The following HEATR5A variants were observed in gnomAD, a reference collection of about 807,000 sequenced individuals.
HEATR5A encodes the protein HEAT repeat-containing protein 5A.
HEATR5A carries 178 observed loss-of-function variants against 218.8 expected under a neutral mutation model. The observed-to-expected ratio is 0.81, with a 90% CI of 0.72 to 0.92. The LOEUF (loss-of-function observed/expected upper bound fraction) is 0.92. Ranked by LOEUF, HEATR5A falls within the 40% of genes least tolerant of loss-of-function variation. HEATR5A has a pLI of 0.00. For synonymous variants in HEATR5A, 864 were observed against 871.6 expected (o/e 0.99, Z 0.15); for missense variants, 2,420 against 2,418.9 (o/e 1.00, Z -0.01).
intron 31 of HEATR5A, among the ~76,000 whole-genome samples, chr14:31,305,607 GGAGA>G (rs1440688806): frequency 6.6e-6 from 1 of 152,092 alleles, no homozygotes. Flanking sequence ...AAAGACTGAG[GGAGA>G]AAGAAGTTAT....
chr14:31,414,541 G>A (rs750654789), intron 1 of HEATR5A, among the ~76,000 whole-genome samples: 3 of 152,146 alleles, frequency 2.0e-5, no homozygotes, highest in Admixed American at 6.5e-5. Flanking sequence ...ACTTAATACA[G>A]GTGCAAAGTG....
At chr14:31,409,853 T>C (rs1246035824) in intron 1 of HEATR5A, among the ~76,000 whole-genome samples, 2 of 152,222 alleles carry the variant, frequency 1.3e-5, no homozygotes, top group Non-Finnish European at 2.9e-5. Context: ...AAACTGCTAA[T>C]ATAATTTTCT....
intron 24 of HEATR5A, among the ~76,000 whole-genome samples, chr14:31,323,153 C>T (rs1692921655): frequency 6.6e-6 from 1 of 152,126 alleles, no homozygotes. Flanking sequence ...ATGCATTGCA[C>T]CTGCTCATTA....
intron 9 of HEATR5A, 34 bp from the exon 10 acceptor site, chr14:31,383,805 T>C (rs377254135): frequency 5.7e-6 from 9 of 1,576,964 alleles, no homozygotes; most frequent in African/African-American, 2.7e-5. Flanking sequence ...CTTAGGTACA[T>C]AGATAAAACT....
At position 31,292,596 on chromosome 14, in the gene HEATR5A, T is replaced by TG. The variant is rs1209952962; in HGVS notation, c.*708_*709insC. Reference sequence around the variant, plus strand: ...GAATAAGGCAGAATTTTTTTTTTTTTTTTTTAGATGGAGTCTCACTCTGTC... The same window carrying TG: ...GAATAAGGCAGAATTTTTTTTTTTTTGTTTTTAGATGGAGTCTCACTCTGTC... On this transcript the variant is annotated 3_prime_UTR_variant, in exon 36 of 36. Coordinates refer to ENST00000543095, the MANE Select transcript of HEATR5A (RefSeq NM_015473.4). 1 of 152,068 alleles carries TG rather than the reference T, an allele frequency of 6.6e-6. No individual in the cohort carries two copies. Among genetic ancestry groups the TG allele is most frequent in the African/African-American group, 2.4e-5 (1 of 41,368 alleles). The allele number at this position is 152,068 out of a possible 1,614,324, so 9.4% of individuals were successfully genotyped here.
intron 1 of HEATR5A, among the ~76,000 whole-genome samples, chr14:31,412,591 A>C (rs1015144090): frequency 3.9e-5 from 6 of 151,956 alleles, no homozygotes; most frequent in Non-Finnish European, 5.9e-5. Flanking sequence ...TTCACATAAA[A>C]ATCTGTGTTA....
intron 13 of HEATR5A, among the ~76,000 whole-genome samples, chr14:31,369,497 C>T (rs1326050372): frequency 6.8e-6 from 1 of 147,258 alleles, no homozygotes; most frequent in African/African-American, 2.5e-5. Context: ...CCTATAATCC[C>T]TTACTGGGGA....
Position 31,359,045 on chromosome 14 carries a change from G to A in HEATR5A, c.2084C>T (p.Ala695Val). The change falls in exon 15 of 36, where the codon GCT becomes GTT. Residue 695 changes from alanine (A) to valine (V), a missense_variant. Ala to Val is a moderately conservative substitution (Grantham distance 64). Coordinates refer to ENST00000543095, the MANE Select transcript of HEATR5A (RefSeq NM_015473.4). ...GTCAGCAGCCAGCTCTCTGAGGATAGCACAGAGGTTTCCTGTTGAGTCACA... is the reference window on the plus strand; with the variant it reads ...GTCAGCAGCCAGCTCTCTGAGGATAACACAGAGGTTTCCTGTTGAGTCACA... ...PPETYEGNLC[A>V]ILRELAADLT... The A allele has an allele frequency of 1.9e-6, 3 of 1,594,936 alleles. No homozygotes were observed. The South Asian group carries it at 3.5e-5, about 18-fold the overall frequency.
rs767675731 is a variant in HEATR5A at position 31,305,081 on chromosome 14, G to C, written c.5063C>G (p.Thr1688Arg). 2 of 1,613,926 alleles carry C rather than the reference G, an allele frequency of 1.2e-6. No homozygotes were observed. Among genetic ancestry groups the C allele is most frequent in the Non-Finnish European group, 1.7e-6 (2 of 1,179,854 alleles). ...LVPGKSLVFA[T>R]LELCVCILVR... is the part of the protein sequence containing the mutation. ...TAGAATGCATACACACAATTCCAGT[G>C]TTGCAAAGACCAAAGACTTTCCAGG... The change falls in exon 32 of 36, where the codon ACA (threonine) becomes AGA (arginine). Residue 1688 changes from threonine to arginine, a missense_variant. By Grantham distance (71) the Thr-to-Arg change is moderately conservative. Transcript: ENST00000543095.
chr14:31,405,375 A>G (rs1199060121), intron 1 of HEATR5A, among the ~76,000 whole-genome samples: 3 of 152,212 alleles, frequency 2.0e-5, no homozygotes, highest in Non-Finnish European at 4.4e-5. Flanking sequence ...CAGAGGTTGC[A>G]GCGAGCCAGG....
chr14:31,382,352 G>C (rs1303145044), intron 10 of HEATR5A, among the ~76,000 whole-genome samples: 1 of 152,178 alleles, frequency 6.6e-6, no homozygotes, highest in African/African-American at 2.4e-5. Context: ...TTATGGAATG[G>C]TCTTCTGCAG....
At chr14:31,300,170 C>CTCTT (rs370505620) in intron 33 of HEATR5A, among the ~76,000 whole-genome samples, 146 of 152,306 alleles carry the variant, frequency 9.6e-4, no homozygotes, top group Middle Eastern at 3.4e-3. Context: ...CCATTCACGA[C>CTCTT]TCTTACACAC....
chr14:31,334,472 C>A (rs750493472), intron 22 of HEATR5A: 1 of 455,686 alleles, frequency 2.2e-6, no homozygotes, highest in South Asian at 1.6e-5. Context: ...GAAATTACAA[C>A]AAAGGATTCA....
rs868332188 is a variant in HEATR5A, at chr14:31,321,566, CG to C, written c.3901del (p.Arg1301GlyfsTer15). ...SGLEMLLVVI[R>X]RFATVPEPEF... ...TGGTTCTGGAACAGTTGCAAATCGC[CG>C]AATAACAACTAACAGCATTTCAAGG... On this transcript the variant is annotated frameshift_variant, in exon 25 of 36. Transcript: ENST00000543095. LOFTEE classifies it high-confidence loss of function. 2 of 1,606,658 alleles carry C rather than the reference CG, an allele frequency of 1.2e-6. No individual in the cohort carries two copies. The highest frequency in any genetic ancestry group is 2.7e-5 in the African/African-American group (2 of 74,746).
chr14:31,359,285 A>AGTGTGT (rs1901535212), intron 14 of HEATR5A, among the ~76,000 whole-genome samples: 248 of 12,570 alleles, frequency 0.02, 2 homozygotes, highest in African/African-American at 0.03. Flanking sequence ...TCAAAGTGTA[A>AGTGTGT]GAGTGTGTGT....
At chr14:31,306,286 G>C (rs1899553781) in intron 31 of HEATR5A, among the ~76,000 whole-genome samples, 1 of 152,030 alleles carries the variant, frequency 6.6e-6, no homozygotes. Flanking sequence ...GAGAGACCAG[G>C]CTGGGCAACA....
intron 20 of HEATR5A, among the ~76,000 whole-genome samples, chr14:31,344,528 C>G (rs1165853853): frequency 6.6e-6 from 1 of 151,868 alleles, no homozygotes; most frequent in East Asian, 1.9e-4. Flanking sequence ...AGTGATCCAC[C>G]TGCCTCAGCT....
rs118134363 is a variant in HEATR5A, at chr14:31,355,809, G to A, written c.2411+2828C>T. On this transcript the variant is annotated intron_variant, in intron 16 of 35. Coordinates refer to ENST00000543095, the MANE Select transcript of HEATR5A (RefSeq NM_015473.4). The stretch of plus-strand genomic sequence containing the variant: ...CTTTCCAACCGGTAAACATTTTTAC[G>A]TTAGAACCCTACAGTCAGAATAGAG... Among the ~76,000 whole-genome samples, 400 of 152,216 alleles carry A rather than the reference G, an allele frequency of 2.6e-3. 19 individuals carry two copies. The East Asian group carries it at 0.069, about 26-fold the overall frequency.
intron 9 of HEATR5A, among the ~76,000 whole-genome samples, chr14:31,384,239 T>C (rs917314915): frequency 2.6e-5 from 4 of 152,138 alleles, no homozygotes; most frequent in Non-Finnish European, 5.9e-5. Context: ...GCTCAGGAGT[T>C]TGAGACCAGT....
Sources: allele counts gnomAD v4.1 joint callset (sites outside exome capture counted in the v4.1 genomes callset), GRCh38; gene constraint gnomAD v4.1.1; transcripts MANE v1.5; gene names NCBI Gene and HGNC (gene_info 2026-07-23, HGNC 2026-07-21).